Variants in PLCB1 observed in about 807,000 individuals in gnomAD.
PLCB1 encodes the protein phospholipase C beta 1.
A neutral mutation model predicts 161.8 loss-of-function variants in PLCB1; 46 were observed. That is an observed-to-expected ratio of 0.28 (90% confidence interval 0.22 to 0.36). The LOEUF (loss-of-function observed/expected upper bound fraction) is 0.36, where lower values mean the gene tolerates loss of function less well. Among genes scored for constraint, PLCB1 ranks in the 10% least tolerant of loss-of-function variants. PLCB1 has a pLI of 1.00. For missense variants in PLCB1, 1,016 were observed against 1,472.5 expected, an observed-to-expected ratio of 0.69 and a Z score of 5.07; for synonymous variants, 517 against 503.7, an observed-to-expected ratio of 1.03 and a Z score of -0.35.
intron 7 of PLCB1, chr20:8,651,647 G>A (rs1349113043): frequency 1.7e-5 from 10 of 577,198 alleles, no homozygotes; most frequent in Admixed American, 5.8e-5. Context: ...ATATGGTGGT[G>A]AAGAAAATGA....
At chr20:8,349,824 G>T (rs1362448487) in intron 2 of PLCB1, among the ~76,000 whole-genome samples, 1 of 151,968 alleles carries the variant, frequency 6.6e-6, no homozygotes, top group Non-Finnish European at 1.5e-5. Context: ...GGGTCAGAAT[G>T]GTCTGTGGAA....
chr20:8,717,588 T>C, intron 13 of PLCB1, 83 bp from the exon 14 acceptor site: 1 of 1,033,278 alleles, frequency 9.7e-7, no homozygotes, highest in Non-Finnish European at 1.4e-6. Flanking sequence ...ACATTTGGTA[T>C]CCACAGCTGA....
rs372090980 is a variant in PLCB1, at chr20:8,140,136, G to A, written c.99+7386G>A. ...AAAGCTGGTGTTTTGTTTGGACCCCGGGAGTTCCTTCTTGATTTCTCACCT... is the reference window on the plus strand; with the variant it reads ...AAAGCTGGTGTTTTGTTTGGACCCCAGGAGTTCCTTCTTGATTTCTCACCT... On this transcript the variant is annotated intron_variant, in intron 1 of 31. Transcript: ENST00000338037. Among the ~76,000 whole-genome samples the A allele has an allele frequency of 1.1e-3, 160 of 152,232 alleles. 2 individuals are homozygous for A. The South Asian group carries it at 0.013, about 12-fold the overall frequency.
At chr20:8,609,170 C>T (rs1987836283) in intron 3 of PLCB1, among the ~76,000 whole-genome samples, 1 of 152,170 alleles carries the variant, frequency 6.6e-6, no homozygotes, top group Admixed American at 6.5e-5. Context: ...GGAAATGAGG[C>T]TACAGATTTT....
intron 3 of PLCB1, among the ~76,000 whole-genome samples, chr20:8,579,646 A>G (rs1478764784): frequency 6.6e-6 from 1 of 152,230 alleles, no homozygotes; most frequent in African/African-American, 2.4e-5. Flanking sequence ...AGGATGTGAT[A>G]TCAAATTAAA....
At chr20:8,470,724 G>A (rs1040892656) in intron 3 of PLCB1, among the ~76,000 whole-genome samples, 2 of 152,164 alleles carry the variant, frequency 1.3e-5, no homozygotes, top group Middle Eastern at 3.4e-3. Context: ...ATGGGGTCTC[G>A]CCATATTGCC....
chr20:8,718,182 T>C (rs1350359061), intron 14 of PLCB1, among the ~76,000 whole-genome samples: 1 of 152,062 alleles, frequency 6.6e-6, no homozygotes, highest in East Asian at 1.9e-4. Context: ...ATCCAGCCAC[T>C]GCACTCCAGC....
At chr20:8,572,895 A>C (rs1488334346) in intron 3 of PLCB1, among the ~76,000 whole-genome samples, 1 of 152,168 alleles carries the variant, frequency 6.6e-6, no homozygotes, top group Non-Finnish European at 1.5e-5. Flanking sequence ...AGCTGGTGAA[A>C]GGTCATTTTT....
intron 2 of PLCB1, among the ~76,000 whole-genome samples, chr20:8,236,335 A>C (rs73607864): frequency 0.02 from 3,083 of 152,188 alleles, 107 homozygotes; most frequent in African/African-American, 0.069. Context: ...GTTTGAAATC[A>C]GCCCAGATAA....
chr20:8,264,644 T>C (rs1981864512), intron 2 of PLCB1, among the ~76,000 whole-genome samples: 1 of 152,084 alleles, frequency 6.6e-6, no homozygotes, highest in Non-Finnish European at 1.5e-5. Context: ...TTTTTTCAGC[T>C]CTGTTATAAT....
intron 2 of PLCB1, among the ~76,000 whole-genome samples, chr20:8,268,212 C>A (rs1183280797): frequency 2.6e-5 from 4 of 151,762 alleles, no homozygotes; most frequent in African/African-American, 9.7e-5. Context: ...TGAGAACATG[C>A]GGTGTTTGGT....
intron 31 of PLCB1, among the ~76,000 whole-genome samples, chr20:8,799,171 T>C (rs558863254): frequency 6.6e-6 from 1 of 152,324 alleles, no homozygotes; most frequent in East Asian, 1.9e-4. Context: ...TATTTTTCTT[T>C]CTTGAGGATG....
rs59903648 is a variant in PLCB1 at position 8,276,986 on chromosome 20, CTTATTATTA to C, written c.178-94375_178-94367del. ...TCTTCTTCTTCTTCTTCTTCTTCTT[CTTATTATTA>C]TTATTATTATTATTATTATTGTTAG... On this transcript the variant is annotated intron_variant, in intron 2 of 31. Coordinates refer to ENST00000338037, the MANE Select transcript of PLCB1 (RefSeq NM_015192.4). Among the ~76,000 whole-genome samples, 327 of 93,340 alleles carry C rather than the reference CTTATTATTA, an allele frequency of 3.5e-3. 2 individuals carry two copies. The highest frequency in any genetic ancestry group is 3.9e-3 in the Non-Finnish European group (191 of 49,462). The allele number at this position is 93,340 out of a possible 152,430, so 61.2% of individuals were successfully genotyped here.
At chr20:8,806,016 G>A (rs912033612) in intron 31 of PLCB1, among the ~76,000 whole-genome samples, 2 of 152,112 alleles carry the variant, frequency 1.3e-5, no homozygotes, top group Admixed American at 1.3e-4. Context: ...CCACAAGATC[G>A]TGGCTAAATT....
intron 3 of PLCB1, among the ~76,000 whole-genome samples, chr20:8,482,239 G>A (rs1395017754): frequency 6.6e-6 from 1 of 151,422 alleles, no homozygotes; most frequent in Non-Finnish European, 1.5e-5. Flanking sequence ...AAGTAACTGA[G>A]ATTACAGGCA....
At chr20:8,371,599 A>G (rs1986904943) in intron 3 of PLCB1, 149 bp downstream of exon 3, 2 of 507,424 alleles carry the variant, frequency 3.9e-6, no homozygotes. Flanking sequence ...TTTCACTTTT[A>G]TTAAAAGACG....
At chr20:8,361,959 G>A (rs1986557243) in intron 2 of PLCB1, among the ~76,000 whole-genome samples, 1 of 152,192 alleles carries the variant, frequency 6.6e-6, no homozygotes, top group Admixed American at 6.5e-5. Flanking sequence ...CAAAATGATG[G>A]ATGCTGTTTC....
At chr20:8,641,767 C>T (rs576341119) in intron 4 of PLCB1, among the ~76,000 whole-genome samples, 1 of 152,100 alleles carries the variant, frequency 6.6e-6, no homozygotes, top group Non-Finnish European at 1.5e-5. Flanking sequence ...AGTTGGTGGC[C>T]ATGGGGAAGA....
intron 24 of PLCB1, 85 bp downstream of exon 24, chr20:8,757,263 A>G (rs2123563215): frequency 4.3e-6 from 6 of 1,383,050 alleles, no homozygotes; most frequent in Non-Finnish European, 5.9e-6. Context: ...TGATGTGGGT[A>G]GCTAAAGCAT....
Sources: gnomAD v4.1 joint callset for allele counts (sites outside exome capture counted in the v4.1 genomes callset) on GRCh38, gnomAD v4.1.1 for gene constraint, MANE v1.5 for transcripts, NCBI Gene and HGNC (gene_info 2026-07-23, HGNC 2026-07-21) for gene names.